Variants in GPC5 observed in about 807,000 individuals in gnomAD.
The protein encoded by GPC5 is glypican 5, also known as glypican-5.
GPC5 carries 47 observed loss-of-function variants against 53.9 expected under a neutral mutation model. The observed-to-expected ratio is 0.87, with a 90% confidence interval of 0.69 to 1.11. The LOEUF is 1.11. Among genes scored for constraint, GPC5 ranks in the 50% most tolerant of loss-of-function variants. The pLI, the probability that GPC5 is intolerant of heterozygous loss-of-function variation, is 0.00. For missense variants in GPC5, 748 were observed against 713.1 expected (o/e 1.05, Z -0.56); for synonymous variants, 286 against 263.3 (o/e 1.09, Z -0.84).
intron 2 of GPC5, among the ~76,000 whole-genome samples, chr13:91,561,228 G>C (rs1351221392): frequency 6.6e-6 from 1 of 151,994 alleles, no homozygotes; most frequent in Non-Finnish European, 1.5e-5. Context: ...TGCTGAATGT[G>C]TAATTTCAAT....
chr13:92,729,042 G>T (rs1378514635), intron 7 of GPC5, among the ~76,000 whole-genome samples: 6 of 151,088 alleles, frequency 4.0e-5, no homozygotes, highest in African/African-American at 1.2e-4. Context: ...ATCTCCCTCT[G>T]CCCATTCTGC....
rs112432723 is a variant in GPC5, at chr13:92,336,934, T to C, written c.1561+191945T>C. On this transcript the variant is annotated intron_variant, in intron 7 of 7. Coordinates refer to ENST00000377067, the MANE Select transcript of GPC5 (RefSeq NM_004466.6). ...TCCAGCATGTACAAGAAAGCATGTA[T>C]AGCGGAATTGCCTTTTATAAAACCA... Among the ~76,000 whole-genome samples, 1,259 of 152,206 alleles carry C rather than the reference T, an allele frequency of 8.3e-3. 15 individuals carry two copies. The highest frequency in any genetic ancestry group is 0.028 in the African/African-American group (1,182 of 41,548).
chr13:91,701,729 C>G (rs565274866), intron 3 of GPC5, among the ~76,000 whole-genome samples: 1 of 152,170 alleles, frequency 6.6e-6, no homozygotes, highest in African/African-American at 2.4e-5. Context: ...TGTATCTTGA[C>G]TATTGTGAAT....
chr13:91,989,378 A>C (rs1219813460), intron 6 of GPC5, among the ~76,000 whole-genome samples: 1 of 152,242 alleles, frequency 6.6e-6, no homozygotes, highest in Admixed American at 6.5e-5. Context: ...CGTATACTGC[A>C]ATGTTGTAAT....
At chr13:92,113,187 T>G (rs1486535124) in intron 6 of GPC5, among the ~76,000 whole-genome samples, 1 of 152,152 alleles carries the variant, frequency 6.6e-6, no homozygotes, top group African/African-American at 2.4e-5. Context: ...AGAAAAGAAT[T>G]TTTTTGTCTC....
chr13:92,520,904 C>T (rs189651902), intron 7 of GPC5, among the ~76,000 whole-genome samples: 2 of 152,280 alleles, frequency 1.3e-5, no homozygotes, highest in Non-Finnish European at 2.9e-5. Context: ...CCCAAAATCT[C>T]CTTAAGCCGA....
chr13:92,540,808 T>C (rs1179247964), intron 7 of GPC5, among the ~76,000 whole-genome samples: 2 of 151,900 alleles, frequency 1.3e-5, no homozygotes, highest in African/African-American at 4.8e-5. Flanking sequence ...TTTACTTTTG[T>C]TGTATGACCA....
intron 7 of GPC5, among the ~76,000 whole-genome samples, chr13:92,147,918 G>T (rs1013204999): frequency 6.6e-5 from 10 of 152,024 alleles, no homozygotes; most frequent in Non-Finnish European, 1.3e-4. Context: ...TTTTGGCCCA[G>T]TTTGAATATA....
At chr13:91,742,220 A>C (rs914584548) in intron 4 of GPC5, among the ~76,000 whole-genome samples, 15 of 152,134 alleles carry the variant, frequency 9.9e-5, no homozygotes, top group African/African-American at 3.6e-4. Flanking sequence ...GGAAAAGCAA[A>C]TGCCAGAAGG....
intron 7 of GPC5, among the ~76,000 whole-genome samples, chr13:92,656,188 T>C (rs1403923867): frequency 4.6e-5 from 7 of 151,378 alleles, no homozygotes; most frequent in Admixed American, 4.6e-4. Flanking sequence ...CAGGGCAGAG[T>C]GGAAGGTAGT....
At chr13:92,244,189 A>G (rs2042633907) in intron 7 of GPC5, among the ~76,000 whole-genome samples, 1 of 152,208 alleles carries the variant, frequency 6.6e-6, no homozygotes, top group Non-Finnish European at 1.5e-5. Context: ...AACTTGTCAC[A>G]GATTACTTAA....
At chr13:92,602,466 A>C (rs1306021651) in intron 7 of GPC5, among the ~76,000 whole-genome samples, 1 of 151,770 alleles carries the variant, frequency 6.6e-6, no homozygotes, top group African/African-American at 2.4e-5. Flanking sequence ...TAAACTTGCC[A>C]TTTGGATTGT....
intron 6 of GPC5, among the ~76,000 whole-genome samples, chr13:91,934,661 C>T (rs1246853824): frequency 6.6e-6 from 1 of 151,912 alleles, no homozygotes; most frequent in African/African-American, 2.4e-5. Context: ...TAAACATGAA[C>T]AGCGTCCCAG....
intron 2 of GPC5, among the ~76,000 whole-genome samples, chr13:91,636,108 T>G (rs2034278203): frequency 6.6e-6 from 1 of 152,116 alleles, no homozygotes; most frequent in African/African-American, 2.4e-5. Context: ...GATTTTCAAG[T>G]TATATGATAC....
intron 7 of GPC5, among the ~76,000 whole-genome samples, chr13:92,698,579 G>T (rs1271561643): frequency 6.6e-6 from 1 of 152,062 alleles, no homozygotes; most frequent in Non-Finnish European, 1.5e-5. Flanking sequence ...TGAACATTCG[G>T]GTTGGTTCCA....
intron 6 of GPC5, among the ~76,000 whole-genome samples, chr13:92,035,027 T>G (rs1237315909): frequency 1.3e-5 from 2 of 152,138 alleles, no homozygotes; most frequent in Non-Finnish European, 2.9e-5. Flanking sequence ...TAACTAATAT[T>G]GAAATAGTTG....
chr13:92,803,837 AT>A (rs762202051), intron 7 of GPC5, among the ~76,000 whole-genome samples: 1 of 151,896 alleles, frequency 6.6e-6, no homozygotes, highest in Non-Finnish European at 1.5e-5. Context: ...CTTTACAATG[AT>A]TTGCTTAGAA....
chr13:92,535,570 C>A (rs1487694818), intron 7 of GPC5, among the ~76,000 whole-genome samples: 1 of 151,886 alleles, frequency 6.6e-6, no homozygotes, highest in Non-Finnish European at 1.5e-5. Context: ...TGTTCTTTGA[C>A]ACTTTTTGAG....
rs35271520 is a variant in GPC5 at position 91,562,619 on chromosome 13, A to ATTTTTTT, written c.325+113710_325+113716dup. Among the ~76,000 whole-genome samples, 101 of 126,052 alleles carry ATTTTTTT rather than the reference A, an allele frequency of 8.0e-4. 2 individuals carry two copies. The highest frequency in any genetic ancestry group is 2.9e-3 in the African/African-American group (97 of 33,118). The allele number at this position is 126,052 out of a possible 152,430, so 82.7% of individuals were successfully genotyped here. Reference sequence around the variant, plus strand: ...CAGGCATGCGCCATGATGCCTGGCTATTTTTTTTTTTTTTTTTTTGGTATT... The same window carrying ATTTTTTT: ...CAGGCATGCGCCATGATGCCTGGCTATTTTTTTTTTTTTTTTTTTTTTTTTTGGTATT... On this transcript the variant is annotated intron_variant, in intron 2 of 7. Coordinates refer to ENST00000377067, the MANE Select transcript of GPC5 (RefSeq NM_004466.6).
Sources: allele counts gnomAD v4.1 joint callset (sites outside exome capture counted in the v4.1 genomes callset), GRCh38; gene constraint gnomAD v4.1.1; transcripts MANE v1.5; gene names NCBI Gene and HGNC (gene_info 2026-07-23, HGNC 2026-07-21).